The following CDK14 variants were observed in gnomAD, a reference collection of about 807,000 sequenced individuals.
The protein encoded by CDK14 is cyclin-dependent kinase 14.
CDK14 carries 34 observed loss-of-function variants against 60.7 expected under a neutral mutation model. That is an observed-to-expected ratio of 0.56 (90% CI 0.43 to 0.75). The LOEUF (loss-of-function observed/expected upper bound fraction) is 0.75, where lower values mean the gene tolerates loss of function less well. Among genes scored for constraint, CDK14 ranks in the 30% least tolerant of loss-of-function variants. The pLI is 0.00. For synonymous variants in CDK14, 197 were observed against 203.7 expected, an observed-to-expected ratio of 0.97 and a Z score of 0.28; for missense variants, 482 against 564.1, an observed-to-expected ratio of 0.85 and a Z score of 1.47.
At chr7:90,872,635 A>C (rs1198193623) in intron 6 of CDK14, among the ~76,000 whole-genome samples, 1 of 152,114 alleles carries the variant, frequency 6.6e-6, no homozygotes, top group Admixed American at 6.5e-5. Flanking sequence ...GTCCACTATC[A>C]TGTTGGGTAC....
At chr7:90,808,728 T>C (rs960004832) in intron 5 of CDK14, among the ~76,000 whole-genome samples, 2 of 152,102 alleles carry the variant, frequency 1.3e-5, no homozygotes, top group Non-Finnish European at 2.9e-5. Context: ...ACCCATCTCA[T>C]GTGCAGAGAC....
chr7:90,977,536 C>T (rs1033645037), intron 9 of CDK14, among the ~76,000 whole-genome samples: 1 of 152,048 alleles, frequency 6.6e-6, no homozygotes, highest in African/African-American at 2.4e-5. Context: ...ATGTTTCAAG[C>T]TTTAAGACTA....
Position 90,596,493 on chromosome 7 carries a change from T to G in CDK14, c.-135T>G. On this transcript the variant is annotated 5_prime_UTR_variant, in exon 1 of 15. Transcript: ENST00000380050. Reference sequence around the variant, plus strand: ...TGCCTGCTGCTCGCCTCCCTAGACCTGCGCGTCGCTTCCCGGCCCGCCGAG... The same window carrying G: ...TGCCTGCTGCTCGCCTCCCTAGACCGGCGCGTCGCTTCCCGGCCCGCCGAG... 8.8e-6 allele frequency: 6 copies of G among 678,038 alleles called. No individual in the cohort carries two copies. The highest frequency in any genetic ancestry group is 1.5e-5 in the Non-Finnish European group (6 of 388,068). 42.0% of individuals were successfully genotyped at this position (678,038 alleles called of 1,614,324 possible). A position where few individuals can be genotyped will look rare whatever the true frequency, so the allele number is the denominator to read the frequency against.
intron 8 of CDK14, among the ~76,000 whole-genome samples, chr7:90,938,276 C>A (rs1793814972): frequency 6.6e-6 from 1 of 152,188 alleles, no homozygotes; most frequent in Non-Finnish European, 1.5e-5. Flanking sequence ...ACCATCTGAA[C>A]AACTCCACTA....
At chr7:90,984,581 C>G in intron 10 of CDK14, among the ~76,000 whole-genome samples, 1 of 152,146 alleles carries the variant, frequency 6.6e-6, no homozygotes, top group East Asian at 1.9e-4. Flanking sequence ...TTAACTCCCC[C>G]GTCCCCCTTG....
chr7:90,731,341 A>T lies in CDK14; in HGVS notation c.369+4529A>T, dbSNP rs114757427. 8.2e-3 allele frequency among the ~76,000 whole-genome samples: 1,227 copies of T among 150,202 alleles called. 24 individuals are homozygous for T. Among genetic ancestry groups the T allele is most frequent in the African/African-American group, 0.029 (1,178 of 41,308 alleles). ...GGATTGTCTTGGCTATGCAGGCTCC[A>T]TATGAAATTTAAAGTAGTTTTTTCC... is the stretch of plus-strand genomic sequence containing the variant. On this transcript the variant is annotated intron_variant, in intron 3 of 14. Coordinates refer to ENST00000380050, the MANE Select transcript of CDK14 (RefSeq NM_001287135.2).
At position 91,112,578 on chromosome 7, in the gene CDK14, C is replaced by T. The variant is rs760821513; in HGVS notation, c.1191C>T (p.Ser397=). 2.6e-5 allele frequency: 42 copies of T among 1,613,612 alleles called. No homozygotes were observed. Among genetic ancestry groups the T allele is most frequent in the Non-Finnish European group, 3.5e-5 (41 of 1,179,816 alleles). Residue 397 remains serine, a synonymous_variant, in exon 13 of 15, where the codon TCC becomes TCT. Transcript: ENST00000380050. ...SYVNHAEDLA[S]KLLQCSPKNR... ...TGAACCATGCAGAGGACCTGGCCTC[C>T]AAGCTCCTACAATGTTCCCCAAAGA...
At chr7:91,122,264 T>C (rs570114082) in intron 14 of CDK14, among the ~76,000 whole-genome samples, 2 of 140,016 alleles carry the variant, frequency 1.4e-5, no homozygotes, top group Non-Finnish European at 3.0e-5. Context: ...ATCCACATTA[T>C]GTAGGAATTA....
At chr7:91,068,827 AAAAAAG>A (rs1222183291) in intron 11 of CDK14, among the ~76,000 whole-genome samples, 1 of 145,720 alleles carries the variant, frequency 6.9e-6, no homozygotes, top group African/African-American at 2.7e-5. Context: ...AAAAAAAAAA[AAAAAAG>A]CCCATACCAG....
chr7:91,101,883 G>C (rs573613246), intron 12 of CDK14, among the ~76,000 whole-genome samples: 13 of 152,278 alleles, frequency 8.5e-5, no homozygotes, highest in African/African-American at 2.6e-4. Context: ...AAAAACAAAA[G>C]CAGTGTTATG....
At chr7:90,780,793 A>G (rs1367007574) in intron 4 of CDK14, among the ~76,000 whole-genome samples, 1 of 151,856 alleles carries the variant, frequency 6.6e-6, no homozygotes, top group Admixed American at 6.6e-5. Context: ...TTCTTAATCC[A>G]GTCTATCATT....
At chr7:90,793,059 A>T (rs1805899003) in intron 5 of CDK14, among the ~76,000 whole-genome samples, 1 of 152,146 alleles carries the variant, frequency 6.6e-6, no homozygotes, top group Non-Finnish European at 1.5e-5. Context: ...TTTTATTTCC[A>T]TTATAATTCT....
intron 5 of CDK14, among the ~76,000 whole-genome samples, chr7:90,861,356 T>C (rs1410199284): frequency 6.6e-6 from 1 of 152,146 alleles, no homozygotes; most frequent in East Asian, 1.9e-4. Context: ...AACTCATACC[T>C]TCAAGAGCAT....
intron 5 of CDK14, among the ~76,000 whole-genome samples, chr7:90,847,816 T>A (rs1396841955): frequency 6.6e-6 from 1 of 152,138 alleles, no homozygotes; most frequent in Non-Finnish European, 1.5e-5. Flanking sequence ...CTTTGCTTAT[T>A]TCTGCCCCTG....
intron 4 of CDK14, among the ~76,000 whole-genome samples, chr7:90,786,488 A>G (rs556652255): frequency 1.3e-5 from 2 of 152,344 alleles, no homozygotes; most frequent in South Asian, 4.1e-4. Flanking sequence ...AAATAGGTTA[A>G]ATCCACAAGA....
In CDK14 at chr7:90,650,246, A is replaced by G. The variant is rs750801930; in HGVS notation, c.123+45997A>G. Among the ~76,000 whole-genome samples the G allele has an allele frequency of 1.5e-4, 23 of 152,300 alleles. No individual in the cohort carries two copies. The Middle Eastern group carries it at 0.014, about 90-fold the overall frequency. On this transcript the variant is annotated intron_variant, in intron 2 of 14. Coordinates refer to ENST00000380050, the MANE Select transcript of CDK14 (RefSeq NM_001287135.2). ...ATTCTTTCATGTGTCTATTGGCTGC[A>G]TAATGTCTTCTTTTGAGTAGTGTCT...
chr7:91,138,814 T>C (rs1438084129), intron 14 of CDK14, among the ~76,000 whole-genome samples: 2 of 152,158 alleles, frequency 1.3e-5, no homozygotes, highest in Non-Finnish European at 2.9e-5. Flanking sequence ...TAAGATATTT[T>C]ATGGAACCAA....
At chr7:90,663,507 A>G (rs11769321) in intron 2 of CDK14, among the ~76,000 whole-genome samples, 10,943 of 152,198 alleles carry the variant, frequency 0.072, 573 homozygotes, top group Non-Finnish European at 0.11. Context: ...CTCTGAGGAG[A>G]AACCATTGTT....
intron 14 of CDK14, among the ~76,000 whole-genome samples, chr7:91,184,621 G>A (rs192584253): frequency 1.3e-5 from 2 of 152,150 alleles, no homozygotes; most frequent in Non-Finnish European, 2.9e-5. Flanking sequence ...CTAGAGAGTC[G>A]CTGAGAACAA....
Sources: allele counts gnomAD v4.1 joint callset (sites outside exome capture counted in the v4.1 genomes callset), GRCh38; gene constraint gnomAD v4.1.1; transcripts MANE v1.5; gene names NCBI Gene and HGNC (gene_info 2026-07-23, HGNC 2026-07-21).